PCDHA8: variants seen among roughly 807,000 people sequenced by gnomAD.
PCDHA8 encodes protocadherin alpha-8.
Under a neutral mutation model 61.8 loss-of-function variants are expected in PCDHA8, and 53 were observed. The observed-to-expected ratio is 0.86, with a 90% CI of 0.69 to 1.08. The LOEUF is 1.08. Ranked by LOEUF, PCDHA8 falls within the 50% of genes least tolerant of loss-of-function variation. The pLI is 0.00. For synonymous variants in PCDHA8, 618 were observed against 556.6 expected, an observed-to-expected ratio of 1.11 and a Z score of -1.55; for missense variants, 1,293 against 1,245.0, an observed-to-expected ratio of 1.04 and a Z score of -0.58.
chr5:140,879,675 G>A (rs141369145), intron 1 of PCDHA8, among the ~76,000 whole-genome samples: 1 of 152,360 alleles, frequency 6.6e-6, no homozygotes, highest in South Asian at 2.1e-4. Context: ...CAAACTGGGT[G>A]CTGTAAAACA....
intron 1 of PCDHA8, among the ~76,000 whole-genome samples, chr5:140,900,909 G>T (rs1470878423): frequency 1.3e-5 from 2 of 152,184 alleles, no homozygotes; most frequent in Middle Eastern, 3.4e-3. Context: ...TTTAACTGTG[G>T]TAAGATGATA....
chr5:140,876,718 G>A (rs1554168825), intron 1 of PCDHA8: 4 of 1,614,124 alleles, frequency 2.5e-6, no homozygotes, highest in African/African-American at 2.7e-5. Context: ...CCTGGACCGC[G>A]AGAGCGTGTC....
intron 1 of PCDHA8, chr5:140,853,738 T>A: frequency 2.0e-6 from 2 of 988,624 alleles, no homozygotes. Context: ...CATTGAATGT[T>A]CTGGTTCAAG....
intron 1 of PCDHA8, chr5:140,871,045 G>C: frequency 6.2e-7 from 1 of 1,613,386 alleles, no homozygotes; most frequent in African/African-American, 1.3e-5. Context: ...CCGACTTCTA[G>C]TACTGGTGAA....
At chr5:140,950,043 A>T (rs1011500100) in intron 1 of PCDHA8, among the ~76,000 whole-genome samples, 1 of 151,950 alleles carries the variant, frequency 6.6e-6, no homozygotes, top group Non-Finnish European at 1.5e-5. Flanking sequence ...TTACAACCAT[A>T]TAAGACTATT....
intron 3 of PCDHA8, among the ~76,000 whole-genome samples, chr5:140,994,024 A>G (rs1440214596): frequency 6.6e-6 from 1 of 152,234 alleles, no homozygotes; most frequent in East Asian, 1.9e-4. Context: ...TGATGCAGAT[A>G]TAATATTAAA....
chr5:140,929,306 A>G lies in PCDHA8; in HGVS notation c.2395-49643A>G, dbSNP rs781950847. 9 of 1,572,580 alleles carry G rather than the reference A, an allele frequency of 5.7e-6. No homozygotes were observed. The Admixed American group carries it at 9.0e-5, about 16-fold the overall frequency. On this transcript the variant is annotated intron_variant, in intron 1 of 3. Coordinates refer to ENST00000531613, the MANE Select transcript of PCDHA8 (RefSeq NM_018911.3). The stretch of plus-strand genomic sequence containing the variant: ...CAGATTCGGAATAGGAAAGGGGATC[A>G]CGCTAATGTCAATGCCATGGTAAGC...
At chr5:140,887,241 C>T (rs1215011038) in intron 1 of PCDHA8, among the ~76,000 whole-genome samples, 2 of 151,912 alleles carry the variant, frequency 1.3e-5, no homozygotes, top group African/African-American at 2.4e-5. Flanking sequence ...AGACTACCGG[C>T]GCCCGCCACC....
chr5:140,928,622 G>C, intron 1 of PCDHA8: 1 of 1,614,226 alleles, frequency 6.2e-7, no homozygotes, highest in South Asian at 1.1e-5. Flanking sequence ...GCCAGGACTG[G>C]ACACTTGGTC....
In PCDHA8 at chr5:140,926,182, C is replaced by G. The variant is rs1041630365; in HGVS notation, c.2395-52767C>G. Among the ~76,000 whole-genome samples, 27 of 151,858 alleles carry G rather than the reference C, an allele frequency of 1.8e-4. No individual in the cohort carries two copies. The East Asian group carries it at 2.5e-3, about 14-fold the overall frequency. On this transcript the variant is annotated intron_variant, in intron 1 of 3. Coordinates refer to ENST00000531613, the MANE Select transcript of PCDHA8 (RefSeq NM_018911.3). ...CAGCAGGATCCAGCGCGGAAAGCCC[C>G]CCGCAGCACTTCTTTCGGGGGGCTC...
At chr5:140,898,624 A>G (rs1374108541) in intron 1 of PCDHA8, among the ~76,000 whole-genome samples, 13 of 152,248 alleles carry the variant, frequency 8.5e-5, no homozygotes, top group African/African-American at 2.6e-4. Flanking sequence ...CAGGTAGCAT[A>G]ATGCCTCCAG....
chr5:140,967,794 T>G, intron 1 of PCDHA8: 1 of 1,614,178 alleles, frequency 6.2e-7, no homozygotes. Flanking sequence ...CGGGGTCCAG[T>G]GCCCATGGCA....
rs782398517 is a variant in PCDHA8 at position 140,857,600 on chromosome 5, G to T, written c.2394+13885G>T. 9 of 1,596,344 alleles carry T rather than the reference G, an allele frequency of 5.6e-6. No homozygotes were observed. Among genetic ancestry groups the T allele is most frequent in the Non-Finnish European group, 7.7e-6 (9 of 1,167,692 alleles). On this transcript the variant is annotated intron_variant, in intron 1 of 3. Transcript: ENST00000531613. ...GCACGCGGAGAGCGGCAAGGTGTAC[G>T]CGCTGCAGCCGCTGGACCACGAGGA...
intron 1 of PCDHA8, chr5:140,860,854 C>A (rs1554153872): frequency 1.3e-5 from 2 of 152,236 alleles, no homozygotes; most frequent in African/African-American, 4.8e-5. Flanking sequence ...TCTCCTGCCT[C>A]AGCCTCCGGA....
chr5:140,935,393 C>T (rs1213341467), intron 1 of PCDHA8, among the ~76,000 whole-genome samples: 2 of 152,166 alleles, frequency 1.3e-5, no homozygotes, highest in Admixed American at 6.5e-5. Context: ...TGTTATCCCA[C>T]GGGACTCAAA....
chr5:140,957,327 A>G (rs1554222920), intron 1 of PCDHA8, among the ~76,000 whole-genome samples: 1 of 152,182 alleles, frequency 6.6e-6, no homozygotes, highest in East Asian at 1.9e-4. Context: ...AGCACAGTAC[A>G]GTAAGATATT....
At chr5:140,848,341 T>C (rs1175376105) in intron 1 of PCDHA8, 6 of 896,220 alleles carry the variant, frequency 6.7e-6, no homozygotes, top group Non-Finnish European at 1.0e-5. Context: ...TCCAGACAAA[T>C]ACAGCCCTTT....
chr5:140,868,792 C>A, intron 1 of PCDHA8: 1 of 326,784 alleles, frequency 3.1e-6, no homozygotes, highest in South Asian at 7.0e-5. Context: ...TCTGAATATT[C>A]CATAAATAAG....
rs2150325058 is a variant in PCDHA8 at position 140,841,896 on chromosome 5, T to A, written c.575T>A (p.Val192Asp). The A allele has an allele frequency of 1.2e-6, 2 of 1,613,838 alleles. No homozygotes were observed. Among genetic ancestry groups the A allele is most frequent in the Middle Eastern group, 1.6e-4 (1 of 6,062 alleles). ...VNSKNDENKL[V>D]ELVLRKSLDR... ...TCAAAGAACGATGAGAATAAACTGG[T>A]TGAGCTCGTATTAAGAAAATCCTTG... is the stretch of plus-strand genomic sequence containing the variant. Residue 192 changes from valine to aspartate, a missense_variant, in exon 1 of 4, where the codon GTT becomes GAT. Coordinates refer to ENST00000531613, the MANE Select transcript of PCDHA8 (RefSeq NM_018911.3).
Sources: gnomAD v4.1 joint callset for allele counts (sites outside exome capture counted in the v4.1 genomes callset) on GRCh38, gnomAD v4.1.1 for gene constraint, MANE v1.5 for transcripts, NCBI Gene and HGNC (gene_info 2026-07-23, HGNC 2026-07-21) for gene names.